The following VSTM4 variants were observed in gnomAD, a reference collection of about 807,000 sequenced individuals.
VSTM4 encodes the protein V-set and transmembrane domain-containing protein 4.
In VSTM4, 20 loss-of-function variants were observed where a neutral mutation model predicts 36.4. That is an observed-to-expected ratio of 0.55 (90% confidence interval 0.39 to 0.80). The LOEUF is 0.80. Ranked by LOEUF, VSTM4 falls within the 30% of genes least tolerant of loss-of-function variation. The pLI is 0.00. For missense variants in VSTM4, 392 were observed against 404.5 expected, an observed-to-expected ratio of 0.97 and a Z score of 0.26; for synonymous variants, 182 against 173.9, an observed-to-expected ratio of 1.05 and a Z score of -0.37.
At position 49,031,576 on chromosome 10, in the gene VSTM4, C is replaced by G. The variant is rs1045522857; in HGVS notation, c.838-11801G>C. Among the ~76,000 whole-genome samples, 8 of 152,218 alleles carry G rather than the reference C, an allele frequency of 5.3e-5. 1 individual carries two copies. Among genetic ancestry groups the G allele is most frequent in the Admixed American group, 5.2e-4 (8 of 15,290 alleles). ...TTTTGGAAAGTATATGTGCTAAACG[C>G]TAATGAACACCACTGTGTCTCAGGC... On this transcript the variant is annotated intron_variant, in intron 7 of 7. Coordinates refer to ENST00000332853, the MANE Select transcript of VSTM4 (RefSeq NM_001031746.5).
chr10:49,104,262 G>A (rs1844723227), intron 2 of VSTM4, among the ~76,000 whole-genome samples: 1 of 152,134 alleles, frequency 6.6e-6, no homozygotes, highest in African/African-American at 2.4e-5. Context: ...TCACACCACT[G>A]CACTCCAGCC....
At chr10:49,033,129 G>A (rs997569547) in intron 7 of VSTM4, among the ~76,000 whole-genome samples, 2 of 152,174 alleles carry the variant, frequency 1.3e-5, no homozygotes, top group Non-Finnish European at 2.9e-5. Context: ...TTCTAAGAGT[G>A]AAAAATTAGA....
chr10:49,083,672 G>C (rs1031044257), intron 3 of VSTM4, among the ~76,000 whole-genome samples: 1 of 152,202 alleles, frequency 6.6e-6, no homozygotes, highest in Non-Finnish European at 1.5e-5. Flanking sequence ...AGAGAGTTAG[G>C]TCGGGAGTAA....
At chr10:49,115,522 C>CGCCGCCGCCTGGCCCG, upstream of VSTM4, 1 of 980,806 alleles carries the variant, frequency 1.0e-6, no homozygotes, top group Non-Finnish European at 1.2e-6. Context: ...CGCGGGAGAG[C>CGCCGCCGCCTGGCCCG]GCCGCCGCCT....
intron 7 of VSTM4, among the ~76,000 whole-genome samples, chr10:49,025,492 CA>C: frequency 6.6e-6 from 1 of 152,284 alleles, no homozygotes; most frequent in Admixed American, 6.5e-5. Context: ...ACCCTGCCCC[CA>C]CACACACCTC....
intron 3 of VSTM4, among the ~76,000 whole-genome samples, chr10:49,084,688 C>T (rs1844338831): frequency 6.6e-6 from 1 of 152,232 alleles, no homozygotes; most frequent in Non-Finnish European, 1.5e-5. Flanking sequence ...CAGACATAAT[C>T]TTTACAAAGT....
chr10:49,074,535 C>G (rs1254352019), intron 4 of VSTM4, among the ~76,000 whole-genome samples: 1 of 152,140 alleles, frequency 6.6e-6, no homozygotes, highest in Non-Finnish European at 1.5e-5. Flanking sequence ...GAGGGCTGCT[C>G]TAAGACTCCT....
chr10:49,066,871 T>C (rs1044683595), intron 4 of VSTM4, among the ~76,000 whole-genome samples: 1 of 152,158 alleles, frequency 6.6e-6, no homozygotes, highest in African/African-American at 2.4e-5. Context: ...CATATTATCT[T>C]ACAGATAAGT....
chr10:49,027,822 G>A (rs1372750835), intron 7 of VSTM4, among the ~76,000 whole-genome samples: 1 of 152,236 alleles, frequency 6.6e-6, no homozygotes, highest in Non-Finnish European at 1.5e-5. Flanking sequence ...GCTGTAGCTA[G>A]CCATCCACTC....
At chr10:49,038,364 A>G (rs1843465171) in intron 7 of VSTM4, among the ~76,000 whole-genome samples, 1 of 152,244 alleles carries the variant, frequency 6.6e-6, no homozygotes, top group Non-Finnish European at 1.5e-5. Context: ...ACAAAAGGAC[A>G]AATACTGCAT....
At chr10:49,082,742 A>G (rs985242953) in intron 3 of VSTM4, among the ~76,000 whole-genome samples, 1 of 152,364 alleles carries the variant, frequency 6.6e-6, no homozygotes. Flanking sequence ...AAATCATGTT[A>G]CATTCCCTTT....
At chr10:49,065,876 G>A (rs1475251409) in intron 4 of VSTM4, among the ~76,000 whole-genome samples, 4 of 151,828 alleles carry the variant, frequency 2.6e-5, no homozygotes, top group South Asian at 4.2e-4. Flanking sequence ...GGTTTATCTC[G>A]TTCAGCCTCC....
intron 2 of VSTM4, among the ~76,000 whole-genome samples, chr10:49,089,162 T>C (rs1844427496): frequency 6.6e-6 from 1 of 152,206 alleles, no homozygotes; most frequent in South Asian, 2.1e-4. Context: ...ATGGGGATGA[T>C]GAGAAATGCC....
chr10:49,025,570 G>A (rs1347247646), intron 7 of VSTM4, among the ~76,000 whole-genome samples: 1 of 152,206 alleles, frequency 6.6e-6, no homozygotes, highest in Non-Finnish European at 1.5e-5. Context: ...AACAGATCTA[G>A]CTGGGTTGCT....
intron 7 of VSTM4, among the ~76,000 whole-genome samples, chr10:49,031,912 C>T (rs1268838553): frequency 2.6e-5 from 4 of 152,102 alleles, no homozygotes; most frequent in African/African-American, 9.7e-5. Flanking sequence ...CATTCAGGGT[C>T]TACTTCAGGA....
rs1197871026 is a variant in VSTM4, at chr10:49,017,677, T to C, written c.*1973A>G. The C allele has an allele frequency of 6.6e-6, 1 of 152,202 alleles. No homozygotes were observed. Among genetic ancestry groups the C allele is most frequent in the African/African-American group, 2.4e-5 (1 of 41,446 alleles). The allele number at this position is 152,202 out of a possible 1,614,324, so 9.4% of individuals were successfully genotyped here. ...TGGGAAGATATTACCCCCTGGCCTG[T>C]TGCCCTCTTCCCGCCATTTCCTTTT... On this transcript the variant is annotated 3_prime_UTR_variant, in exon 8 of 8. Transcript: ENST00000332853.
chr10:49,080,441 A>T (rs535744290), intron 3 of VSTM4, among the ~76,000 whole-genome samples: 12 of 152,334 alleles, frequency 7.9e-5, no homozygotes, highest in Non-Finnish European at 1.3e-4. Flanking sequence ...AGTCTATGAG[A>T]TCTTCCTGTG....
At chr10:49,038,392 G>T (rs1843465630) in intron 7 of VSTM4, among the ~76,000 whole-genome samples, 2 of 152,192 alleles carry the variant, frequency 1.3e-5, no homozygotes, top group African/African-American at 4.8e-5. Flanking sequence ...CTTCTATGAG[G>T]TTGCTAAAGC....
chr10:49,027,823 C>T (rs775435040), intron 7 of VSTM4, among the ~76,000 whole-genome samples: 3 of 152,208 alleles, frequency 2.0e-5, no homozygotes, highest in Admixed American at 1.3e-4. Flanking sequence ...CTGTAGCTAG[C>T]CATCCACTCA....
Sources: gnomAD v4.1 joint callset for allele counts (sites outside exome capture counted in the v4.1 genomes callset) on GRCh38, gnomAD v4.1.1 for gene constraint, MANE v1.5 for transcripts, NCBI Gene and HGNC (gene_info 2026-07-23, HGNC 2026-07-21) for gene names.